BCAS3: variants seen among roughly 807,000 people sequenced by gnomAD.
BCAS3 encodes BCAS4/BCAS3 fusion.
Under a neutral mutation model 116.1 loss-of-function variants are expected in BCAS3, and 53 were observed. The ratio of observed to expected loss-of-function variants is 0.46; its 90% CI spans 0.37 to 0.57. The LOEUF (loss-of-function observed/expected upper bound fraction) is 0.57. Among genes scored for constraint, BCAS3 ranks in the 20% least tolerant of loss-of-function variants. The pLI is 0.00. For missense variants in BCAS3, 917 were observed against 1,165.4 expected (o/e 0.79, Z 3.10); for synonymous variants, 391 against 408.2 (o/e 0.96, Z 0.51).
chr17:60,835,702 TC>T (rs1385650947), intron 7 of BCAS3, among the ~76,000 whole-genome samples: 3 of 152,102 alleles, frequency 2.0e-5, no homozygotes, highest in Admixed American at 6.6e-5. Flanking sequence ...TTTACCTACA[TC>T]ATAGGGTTAT....
chr17:60,686,941 A>G (rs886347069), intron 3 of BCAS3, among the ~76,000 whole-genome samples: 9 of 152,232 alleles, frequency 5.9e-5, no homozygotes, highest in African/African-American at 1.7e-4. Flanking sequence ...TTAAATGTCA[A>G]TTAATAAGCA....
intron 22 of BCAS3, among the ~76,000 whole-genome samples, chr17:61,257,841 A>G (rs2048908404): frequency 6.6e-6 from 1 of 152,306 alleles, no homozygotes; most frequent in South Asian, 2.1e-4. Context: ...CAGTGACACA[A>G]ACACAGTGCT....
At chr17:61,168,164 G>T (rs1331376579) in intron 22 of BCAS3, among the ~76,000 whole-genome samples, 1 of 151,982 alleles carries the variant, frequency 6.6e-6, no homozygotes, top group Non-Finnish European at 1.5e-5. Context: ...TTTCCCATCT[G>T]TCTCCTTCTG....
chr17:60,687,490 G>C (rs554913615), intron 3 of BCAS3, among the ~76,000 whole-genome samples: 28 of 152,278 alleles, frequency 1.8e-4, no homozygotes, highest in South Asian at 4.2e-4. Context: ...TGTAGTCCCA[G>C]CTATTTGGGA....
intron 6 of BCAS3, among the ~76,000 whole-genome samples, chr17:60,807,355 C>G (rs1486115471): frequency 6.6e-6 from 1 of 152,126 alleles, no homozygotes; most frequent in Admixed American, 6.6e-5. Flanking sequence ...TTGTCTTGAA[C>G]TACCTTTATT....
chr17:61,210,866 A>G (rs1745440043), intron 22 of BCAS3, among the ~76,000 whole-genome samples: 2 of 152,138 alleles, frequency 1.3e-5, no homozygotes, highest in African/African-American at 2.4e-5. Context: ...TCTTTTTTGC[A>G]GATACCTAGG....
In BCAS3 at chr17:61,032,767, A is replaced by G. The variant is rs2066738671; in HGVS notation, c.1638-1899A>G. Among the ~76,000 whole-genome samples the G allele has an allele frequency of 6.6e-6, 1 of 152,200 alleles. No individual in the cohort carries two copies. Among genetic ancestry groups the G allele is most frequent in the African/African-American group, 2.4e-5 (1 of 41,458 alleles). Reference sequence around the variant, plus strand: ...CACAGAAACTTTTTATTTAAAAACGATGTCTTTATTCCCTGTCACTGGAAG... The same window carrying G: ...CACAGAAACTTTTTATTTAAAAACGGTGTCTTTATTCCCTGTCACTGGAAG... On this transcript the variant is annotated intron_variant, in intron 16 of 23. Transcript: ENST00000407086. This position sits in a 1 kb window ranked among gnomAD's most constrained non-coding sequence, Gnocchi z 4.6.
intron 14 of BCAS3, among the ~76,000 whole-genome samples, chr17:60,959,937 A>G (rs1170244903): frequency 6.6e-6 from 1 of 152,160 alleles, no homozygotes; most frequent in East Asian, 1.9e-4. Flanking sequence ...ATTGTATTAC[A>G]TCCTCCTCAT....
rs147447188 is a variant in BCAS3 at position 61,086,861 on chromosome 17, A to T, written c.2425+2297A>T. 54 of 985,284 alleles carry T rather than the reference A, an allele frequency of 5.5e-5. No homozygotes were observed. In the East Asian group the frequency reaches 4.1e-3, roughly 75 times the overall value. The allele number at this position is 985,284 out of a possible 1,614,324, so 61.0% of individuals were successfully genotyped here. On this transcript the variant is annotated intron_variant, in intron 22 of 23. Transcript: ENST00000407086. ...TTCAGCTACCTCTCAATTGGTTCAG[A>T]TCCCTTTTGAATGAGAAATATATGT...
intron 16 of BCAS3, among the ~76,000 whole-genome samples, chr17:61,018,824 A>C (rs1305677340): frequency 6.6e-6 from 1 of 152,220 alleles, no homozygotes; most frequent in East Asian, 1.9e-4. Flanking sequence ...TATCAGAAGA[A>C]GAGACCTTGA....
At position 61,323,663 on chromosome 17, in the gene BCAS3, C is replaced by T. The variant is rs1432391889; in HGVS notation, c.2426-44664C>T. 1.3e-5 allele frequency among the ~76,000 whole-genome samples: 2 copies of T among 152,178 alleles called. No individual in the cohort carries two copies. Among genetic ancestry groups the T allele is most frequent in the Non-Finnish European group, 2.9e-5 (2 of 68,028 alleles). ...GTGACCAAGGGTCTCCAGTTCCTTC[C>T]TCCATATGGCATCTCTGTCAAAAGT... On this transcript the variant is annotated intron_variant, in intron 22 of 23. Coordinates refer to ENST00000407086, the MANE Select transcript of BCAS3 (RefSeq NM_017679.5). This position sits in a 1 kb window ranked among gnomAD's most constrained non-coding sequence, Gnocchi z 4.6.
chr17:60,748,117 A>T (rs2042159808), intron 6 of BCAS3, among the ~76,000 whole-genome samples: 1 of 152,178 alleles, frequency 6.6e-6, no homozygotes, highest in Non-Finnish European at 1.5e-5. Context: ...ATTCTATTAT[A>T]TTTTAAAAAG....
At chr17:60,757,394 ATGTGTGTGTGTG>A (rs61645091) in intron 6 of BCAS3, among the ~76,000 whole-genome samples, 69 of 136,678 alleles carry the variant, frequency 5.0e-4, no homozygotes, top group South Asian at 1.2e-3. Flanking sequence ...CAGCATGTAT[ATGTGTGTGTGTG>A]TGTGTGTGTG....
rs889688144 is a variant in BCAS3 at position 61,276,831 on chromosome 17, G to A, written c.2426-91496G>A. Among the ~76,000 whole-genome samples the A allele has an allele frequency of 1.3e-5, 2 of 152,206 alleles. No individual in the cohort carries two copies. Among genetic ancestry groups the A allele is most frequent in the Admixed American group, 6.5e-5 (1 of 15,278 alleles). ...CTTCTAAGCTACAGTAATCAAGACA[G>A]TGTGGTACTGGCATAAGGATAGACA... On this transcript the variant is annotated intron_variant, in intron 22 of 23. Transcript: ENST00000407086. This position sits in a 1 kb window ranked among gnomAD's most constrained non-coding sequence, Gnocchi z 4.2.
At chr17:60,880,505 G>T (rs2056022231) in intron 9 of BCAS3, among the ~76,000 whole-genome samples, 1 of 152,152 alleles carries the variant, frequency 6.6e-6, no homozygotes, top group South Asian at 2.1e-4. Context: ...GGCCAGGATG[G>T]TCTTGATCTC....
At chr17:61,292,489 TA>T (rs2052521159) in intron 22 of BCAS3, among the ~76,000 whole-genome samples, 1 of 151,912 alleles carries the variant, frequency 6.6e-6, no homozygotes, top group African/African-American at 2.4e-5. Flanking sequence ...CCATCTCTAC[TA>T]AAAATACAAA....
chr17:60,969,574 C>T (rs966641867), intron 14 of BCAS3, among the ~76,000 whole-genome samples: 5 of 151,878 alleles, frequency 3.3e-5, no homozygotes, highest in African/African-American at 9.7e-5. Flanking sequence ...AGCCAACATA[C>T]ATGTAGTTAT....
chr17:61,208,873 A>G lies in BCAS3; in HGVS notation c.2425+124309A>G. ...TTTGTTGCTAAGAGAAAAGTGCTAAAAAGGAAAAAAAAAAAAAAAGGAGGG... is the reference window on the plus strand; with the variant it reads ...TTTGTTGCTAAGAGAAAAGTGCTAAGAAGGAAAAAAAAAAAAAAAGGAGGG... On this transcript the variant is annotated intron_variant, in intron 22 of 23. Transcript: ENST00000407086. The surrounding 1 kb of genome is among the most constrained non-coding windows in gnomAD (Gnocchi z 4.5). Among the ~76,000 whole-genome samples the G allele has an allele frequency of 2.0e-5, 1 of 49,694 alleles. No individual in the cohort carries two copies. Among genetic ancestry groups the G allele is most frequent in the East Asian group, 4.1e-4 (1 of 2,444 alleles). The allele number at this position is 49,694 out of a possible 152,430, so 32.6% of individuals were successfully genotyped here. A position where few individuals can be genotyped will look rare whatever the true frequency, so the allele number is the denominator to read the frequency against.
chr17:60,825,548 A>T (rs1300207373), intron 7 of BCAS3, among the ~76,000 whole-genome samples: 2 of 119,652 alleles, frequency 1.7e-5, no homozygotes, highest in African/African-American at 1.1e-4. Context: ...ATAAATAATT[A>T]TTTATAATAA....
Sources: gnomAD v4.1 joint callset for allele counts (sites outside exome capture counted in the v4.1 genomes callset) on GRCh38, gnomAD v4.1.1 for gene constraint, Gnocchi (gnomAD v3.1) non-coding constraint, MANE v1.5 for transcripts, NCBI Gene and HGNC (gene_info 2026-07-23, HGNC 2026-07-21) for gene names.